Variants in CPNE4 observed in about 807,000 individuals in gnomAD.
CPNE4 encodes the protein copine 4, also known as copine-4.
In CPNE4, 25 loss-of-function variants were observed where a neutral mutation model predicts 67.9. The observed-to-expected ratio is 0.37, with a 90% CI of 0.27 to 0.51. The LOEUF is 0.51. CPNE4 is among the 20% of genes least tolerant of loss of function. The pLI, the probability that CPNE4 is intolerant of heterozygous loss-of-function variation, is 0.93. For synonymous variants in CPNE4, 242 were observed against 244.9 expected, an observed-to-expected ratio of 0.99 and a Z score of 0.11; for missense variants, 464 against 690.8, an observed-to-expected ratio of 0.67 and a Z score of 3.68.
At chr3:131,559,565 T>TA (rs1190680648) in intron 11 of CPNE4, among the ~76,000 whole-genome samples, 2 of 152,014 alleles carry the variant, frequency 1.3e-5, no homozygotes, top group African/African-American at 2.4e-5. Context: ...GCTCAGATTT[T>TA]AAAAAATACT....
intron 2 of CPNE4, among the ~76,000 whole-genome samples, chr3:131,733,612 G>T (rs985526646): frequency 2.0e-5 from 3 of 152,134 alleles, no homozygotes; most frequent in Non-Finnish European, 2.9e-5. Context: ...CTAAAAGCAG[G>T]CAGAGCCTGC....
intron 9 of CPNE4, among the ~76,000 whole-genome samples, chr3:131,577,684 G>C (rs1299895128): frequency 6.6e-6 from 1 of 152,128 alleles, no homozygotes; most frequent in Non-Finnish European, 1.5e-5. Context: ...CAGTGAGTGA[G>C]AGGTGAGTGA....
intron 7 of CPNE4, among the ~76,000 whole-genome samples, chr3:131,636,230 T>C (rs1178657788): frequency 6.6e-6 from 1 of 152,064 alleles, no homozygotes; most frequent in Non-Finnish European, 1.5e-5. Flanking sequence ...AGGCTTGTGG[T>C]CTGGGGCAAG....
At chr3:131,735,136 C>G (rs138648902) in intron 2 of CPNE4, among the ~76,000 whole-genome samples, 2 of 152,128 alleles carry the variant, frequency 1.3e-5, no homozygotes, top group Non-Finnish European at 2.9e-5. Flanking sequence ...GTTAGTAAGG[C>G]CTTTCCCTCA....
chr3:131,791,378 T>G (rs961285465), intron 2 of CPNE4, among the ~76,000 whole-genome samples: 1 of 152,274 alleles, frequency 6.6e-6, no homozygotes, highest in Non-Finnish European at 1.5e-5. Flanking sequence ...AACTGACAAG[T>G]CAATGAGGTC....
At position 131,685,868 on chromosome 3, in the gene CPNE4, C is replaced by A; in HGVS notation, c.591+7G>T. The A allele has an allele frequency of 6.2e-7, 1 of 1,600,414 alleles. No individual in the cohort carries two copies. The highest frequency in any genetic ancestry group is 2.2e-5 in the East Asian group (1 of 44,812). On this transcript the variant is annotated splice_region_variant and intron_variant, in intron 6 of 15. Coordinates refer to ENST00000429747, the MANE Select transcript of CPNE4 (RefSeq NM_130808.3). Reference sequence around the variant, plus strand: ...GATAAGAGGGCATAGCTGAAGATGACTCTTACCTCAGTTCGGTGCACCAGC... The same window carrying A: ...GATAAGAGGGCATAGCTGAAGATGAATCTTACCTCAGTTCGGTGCACCAGC...
At chr3:131,815,559 A>G (rs1321082302) in intron 2 of CPNE4, among the ~76,000 whole-genome samples, 1 of 152,170 alleles carries the variant, frequency 6.6e-6, no homozygotes. Context: ...CCAGTATGGG[A>G]AGATTCCAGA....
chr3:131,819,489 G>C (rs868233183), intron 2 of CPNE4, among the ~76,000 whole-genome samples: 1 of 96,988 alleles, frequency 1.0e-5, no homozygotes, highest in Non-Finnish European at 2.4e-5. Context: ...GACACACACA[G>C]ATACACACAC....
chr3:132,000,291 G>A (rs1184837808), intron 1 of CPNE4, among the ~76,000 whole-genome samples: 1 of 151,984 alleles, frequency 6.6e-6, no homozygotes, highest in African/African-American at 2.4e-5. Context: ...TAAATGGAGG[G>A]AAGGTGTTAT....
At chr3:132,033,127 G>C (rs1261163449) in intron 1 of CPNE4, among the ~76,000 whole-genome samples, 1 of 152,270 alleles carries the variant, frequency 6.6e-6, no homozygotes, top group Non-Finnish European at 1.5e-5. Flanking sequence ...GTGTACGCCT[G>C]TGTATGTGTG....
At chr3:131,905,525 C>G in intron 1 of CPNE4, 81 bp from the exon 2 acceptor site, 2 of 1,303,110 alleles carry the variant, frequency 1.5e-6, no homozygotes, top group Non-Finnish European at 1.0e-6. Context: ...CCCAATCACC[C>G]TTCAGAAAAT....
chr3:131,768,852 C>A (rs149230838), intron 2 of CPNE4, among the ~76,000 whole-genome samples: 259 of 152,250 alleles, frequency 1.7e-3, no homozygotes, highest in Middle Eastern at 6.8e-3. Flanking sequence ...AGGCTACCTC[C>A]AACTCTCTTA....
rs552786483 is a variant in CPNE4 at position 131,700,970 on chromosome 3, G to C, written c.361-990C>G. Among the ~76,000 whole-genome samples the C allele has an allele frequency of 8.7e-4, 132 of 151,708 alleles. 1 individual carries two copies. Among genetic ancestry groups the C allele is most frequent in the Non-Finnish European group, 1.5e-3 (102 of 67,912 alleles). Reference sequence around the variant, plus strand: ...GGACATGGATGAAGCTGGAAACCATGATTCTCAGCAAACTATCGCAAGGAC... The same window carrying C: ...GGACATGGATGAAGCTGGAAACCATCATTCTCAGCAAACTATCGCAAGGAC... On this transcript the variant is annotated intron_variant, in intron 3 of 15. Coordinates refer to ENST00000429747, the MANE Select transcript of CPNE4 (RefSeq NM_130808.3).
At chr3:131,975,150 C>G (rs1002427643) in intron 1 of CPNE4, among the ~76,000 whole-genome samples, 2 of 152,148 alleles carry the variant, frequency 1.3e-5, no homozygotes, top group Non-Finnish European at 2.9e-5. Flanking sequence ...GTTGGCAAAA[C>G]CTATCCTGCA....
At chr3:131,898,148 T>C (rs1342388490) in intron 2 of CPNE4, among the ~76,000 whole-genome samples, 2 of 152,090 alleles carry the variant, frequency 1.3e-5, no homozygotes, top group Non-Finnish European at 2.9e-5. Context: ...GTGAGTCTAG[T>C]TAAACATGCA....
intron 7 of CPNE4, among the ~76,000 whole-genome samples, chr3:131,630,575 G>T (rs573403978): frequency 4.6e-5 from 7 of 152,236 alleles, no homozygotes; most frequent in African/African-American, 1.7e-4. Context: ...GACATATGTG[G>T]CTATTTAAAT....
At chr3:131,575,947 T>G (rs866510624) in intron 9 of CPNE4, among the ~76,000 whole-genome samples, 2 of 152,162 alleles carry the variant, frequency 1.3e-5, no homozygotes, top group Admixed American at 6.6e-5. Flanking sequence ...ATTTTGCTGC[T>G]TGGCTTGGCT....
At chr3:131,676,453 T>A (rs907939679) in intron 6 of CPNE4, among the ~76,000 whole-genome samples, 1 of 151,936 alleles carries the variant, frequency 6.6e-6, no homozygotes, top group Non-Finnish European at 1.5e-5. Context: ...TGAATGGGGG[T>A]TGGTTGTATA....
chr3:131,697,539 T>A (rs1302291344), intron 4 of CPNE4, among the ~76,000 whole-genome samples: 2 of 152,176 alleles, frequency 1.3e-5, no homozygotes, highest in African/African-American at 4.8e-5. Flanking sequence ...TCCAAATATT[T>A]TGGAAAATTT....
Sources: gnomAD v4.1 joint callset for allele counts (sites outside exome capture counted in the v4.1 genomes callset) on GRCh38, gnomAD v4.1.1 for gene constraint, MANE v1.5 for transcripts, NCBI Gene and HGNC (gene_info 2026-07-23, HGNC 2026-07-21) for gene names.